The following OPCML variants were observed in gnomAD, a reference collection of about 807,000 sequenced individuals.
The protein encoded by OPCML is opioid-binding protein/cell adhesion molecule.
In OPCML, 13 loss-of-function variants were observed where a neutral mutation model predicts 37.8. The observed-to-expected ratio is 0.34, with a 90% CI of 0.22 to 0.55. The LOEUF (loss-of-function observed/expected upper bound fraction) is 0.55, where lower values mean the gene tolerates loss of function less well. OPCML is among the 20% of genes least tolerant of loss of function. The pLI, the probability that OPCML is intolerant of heterozygous loss-of-function variation, is 0.91. For synonymous variants in OPCML, 176 were observed against 168.8 expected (o/e 1.04, Z -0.33); for missense variants, 341 against 435.6 (o/e 0.78, Z 1.93).
intron 2 of OPCML, among the ~76,000 whole-genome samples, chr11:132,678,853 A>T (rs1942820884): frequency 6.6e-6 from 1 of 152,068 alleles, no homozygotes; most frequent in Non-Finnish European, 1.5e-5. Context: ...CAAAACCAAG[A>T]GTGAACCTTA....
intron 1 of OPCML, among the ~76,000 whole-genome samples, chr11:133,030,084 G>A (rs1443831039): frequency 3.3e-5 from 5 of 151,980 alleles, no homozygotes; most frequent in Admixed American, 3.3e-4. Flanking sequence ...AGTGGATCTG[G>A]GGAGAAATGC....
intron 5 of OPCML, 133 bp from the exon 6 acceptor site, chr11:132,436,912 A>G: frequency 6.9e-7 from 1 of 1,454,004 alleles, no homozygotes; most frequent in South Asian, 1.5e-5. Context: ...CCTCTTTCCC[A>G]GTAAAATAAT....
intron 1 of OPCML, among the ~76,000 whole-genome samples, chr11:133,460,673 T>A (rs2136984074): frequency 6.6e-6 from 1 of 151,908 alleles, no homozygotes; most frequent in African/African-American, 2.4e-5. Context: ...GACCTATAAC[T>A]AATAAGGAGA....
intron 2 of OPCML, among the ~76,000 whole-genome samples, chr11:132,904,605 T>C (rs1022969070): frequency 1.3e-5 from 2 of 152,230 alleles, no homozygotes; most frequent in Non-Finnish European, 2.9e-5. Context: ...GTGAACCACC[T>C]ACTGACTAAG....
At chr11:132,855,909 T>C (rs1240081770) in intron 2 of OPCML, among the ~76,000 whole-genome samples, 1 of 152,256 alleles carries the variant, frequency 6.6e-6, no homozygotes, top group East Asian at 1.9e-4. Context: ...CTTAATTGCA[T>C]TTTTAAGAAG....
At chr11:132,633,313 C>T (rs972479467) in intron 3 of OPCML, among the ~76,000 whole-genome samples, 2 of 152,066 alleles carry the variant, frequency 1.3e-5, no homozygotes, top group Non-Finnish European at 2.9e-5. Context: ...AGTGATTCTC[C>T]TGCCTCAGCC....
At chr11:132,500,938 T>C (rs1244562922) in intron 4 of OPCML, among the ~76,000 whole-genome samples, 1 of 152,238 alleles carries the variant, frequency 6.6e-6, no homozygotes, top group Non-Finnish European at 1.5e-5. Context: ...CCACATTTTC[T>C]TTATCCAGTC....
intron 3 of OPCML, among the ~76,000 whole-genome samples, chr11:132,646,264 C>G (rs1941145201): frequency 6.6e-6 from 1 of 152,026 alleles, no homozygotes; most frequent in Non-Finnish European, 1.5e-5. Flanking sequence ...ACCTGTGCCC[C>G]AAAAGCCTAT....
intron 2 of OPCML, among the ~76,000 whole-genome samples, chr11:132,731,751 T>C (rs1227873128): frequency 6.6e-6 from 1 of 152,224 alleles, no homozygotes; most frequent in Non-Finnish European, 1.5e-5. Flanking sequence ...AATAAGCAGC[T>C]AACAGGGTTG....
chr11:132,840,399 G>A (rs946060607), intron 2 of OPCML, among the ~76,000 whole-genome samples: 5 of 152,230 alleles, frequency 3.3e-5, no homozygotes, highest in African/African-American at 1.2e-4. Flanking sequence ...CTTTGCTGAG[G>A]TGGAAGGCGC....
intron 2 of OPCML, among the ~76,000 whole-genome samples, chr11:132,751,261 C>T (rs974719781): frequency 2.6e-5 from 4 of 152,048 alleles, no homozygotes; most frequent in Non-Finnish European, 4.4e-5. Flanking sequence ...CCTTTCCTGC[C>T]CGGGGTGTCC....
At chr11:132,988,974 G>C (rs746997095) in intron 1 of OPCML, among the ~76,000 whole-genome samples, 1 of 152,190 alleles carries the variant, frequency 6.6e-6, no homozygotes, top group South Asian at 2.1e-4. Flanking sequence ...GGATTTTAAA[G>C]ACTACAATAA....
At chr11:132,739,979 G>C (rs1945385382) in intron 2 of OPCML, among the ~76,000 whole-genome samples, 1 of 152,078 alleles carries the variant, frequency 6.6e-6, no homozygotes, top group Admixed American at 6.5e-5. Flanking sequence ...GGTGTTATTT[G>C]ATTTGTGTCT....
intron 1 of OPCML, among the ~76,000 whole-genome samples, chr11:133,496,964 T>A (rs1947800756): frequency 6.6e-6 from 1 of 152,208 alleles, no homozygotes; most frequent in South Asian, 2.1e-4. Context: ...AGCGTGGGCA[T>A]CCCTGTCTTG....
chr11:133,502,967 T>C (rs543592117), intron 1 of OPCML, among the ~76,000 whole-genome samples: 39 of 152,292 alleles, frequency 2.6e-4, no homozygotes, highest in Middle Eastern at 3.4e-3. Flanking sequence ...CCCAGCTAAG[T>C]TGTTCAGTAC....
intron 3 of OPCML, among the ~76,000 whole-genome samples, chr11:132,611,149 C>A (rs1360104295): frequency 6.6e-6 from 1 of 152,220 alleles, no homozygotes; most frequent in Non-Finnish European, 1.5e-5. Flanking sequence ...GAAGCTGGCC[C>A]AGTTTTTAAC....
intron 1 of OPCML, chr11:133,024,734 G>C (rs762827949): frequency 1.1e-6 from 1 of 939,456 alleles, no homozygotes; most frequent in Non-Finnish European, 1.3e-6. Flanking sequence ...GCCAGCCCTC[G>C]CGCTTTTGAA....
intron 4 of OPCML, among the ~76,000 whole-genome samples, chr11:132,509,805 C>T (rs1264411234): frequency 2.0e-5 from 3 of 152,224 alleles, no homozygotes; most frequent in African/African-American, 7.2e-5. Context: ...CATGGAGAAC[C>T]TCTGCTAGGG....
chr11:133,531,706 G>A (rs1948607256), intron 1 of OPCML, among the ~76,000 whole-genome samples: 1 of 151,052 alleles, frequency 6.6e-6, no homozygotes, highest in African/African-American at 2.4e-5. Context: ...CAGTTCCGAA[G>A]GAAGGGAGGG....
Sources: gnomAD v4.1 joint callset for allele counts (sites outside exome capture counted in the v4.1 genomes callset) on GRCh38, gnomAD v4.1.1 for gene constraint, MANE v1.5 for transcripts, NCBI Gene and HGNC (gene_info 2026-07-23, HGNC 2026-07-21) for gene names.